Variants in MBNL2 observed in about 807,000 individuals in gnomAD.
The protein encoded by MBNL2 is muscleblind like splicing regulator 2.
MBNL2 carries 17 observed loss-of-function variants against 41.9 expected under a neutral mutation model. The observed-to-expected ratio is 0.41, with a 90% confidence interval of 0.28 to 0.61. MBNL2 has a LOEUF of 0.61. MBNL2 is among the 20% of genes least tolerant of loss of function. The probability of loss-of-function intolerance (pLI) is 0.35; values close to 1 mark genes in which losing one functional copy is unlikely to be tolerated. For synonymous variants in MBNL2, 195 were observed against 182.9 expected (o/e 1.07, Z -0.53); for missense variants, 336 against 505.6 (o/e 0.66, Z 3.22).
intron 1 of MBNL2, among the ~76,000 whole-genome samples, chr13:97,231,309 ACT>A (rs2042351391): frequency 6.6e-6 from 1 of 152,140 alleles, no homozygotes. Flanking sequence ...AAAAATGTAG[ACT>A]CTGATTCAGT....
intron 2 of MBNL2, among the ~76,000 whole-genome samples, chr13:97,312,731 T>G (rs2058720382): frequency 6.6e-6 from 1 of 152,232 alleles, no homozygotes. Flanking sequence ...TCATATGTTT[T>G]CAAAGAATTA....
At chr13:97,206,303 G>C in the MBNL2 span, among the ~76,000 whole-genome samples, 1 of 151,834 alleles carries the variant, frequency 6.6e-6, no homozygotes, top group Non-Finnish European at 1.5e-5. Flanking sequence ...ACTGCATCGT[G>C]ACTGAGGATG....
rs373994295 is a variant in MBNL2 at position 97,320,772 on chromosome 13, G to A, written c.175-13504G>A. ...CTATTAAAAATACAAAAAATTAGCC[G>A]GGCATGGTGGTGGGTGCCTGTAATC... On this transcript the variant is annotated intron_variant, in intron 2 of 8. Coordinates refer to ENST00000679496, the MANE Select transcript of MBNL2 (RefSeq NM_001382683.1). Among the ~76,000 whole-genome samples, 10 of 151,982 alleles carry A rather than the reference G, an allele frequency of 6.6e-5. No individual in the cohort carries two copies. The South Asian group carries it at 8.4e-4, about 13-fold the overall frequency.
the MBNL2 span, among the ~76,000 whole-genome samples, chr13:97,156,226 C>T: frequency 4.2e-5 from 5 of 118,134 alleles, no homozygotes; most frequent in East Asian, 1.1e-3. Flanking sequence ...TGTCCTTCGC[C>T]CACTTTTTGA....
intron 1 of MBNL2, among the ~76,000 whole-genome samples, chr13:97,251,341 A>G (rs1384568408): frequency 1.3e-5 from 2 of 152,016 alleles, no homozygotes; most frequent in African/African-American, 2.4e-5. Flanking sequence ...TACACATTGC[A>G]TGCCTGTATC....
chr13:97,233,125 T>A (rs1314395707), intron 1 of MBNL2, among the ~76,000 whole-genome samples: 1 of 69,360 alleles, frequency 1.4e-5, no homozygotes, highest in Non-Finnish European at 3.0e-5. Flanking sequence ...AGGCTCTTTT[T>A]CATATATATA....
chr13:97,262,740 A>G (rs899751822), intron 1 of MBNL2, among the ~76,000 whole-genome samples: 2 of 149,880 alleles, frequency 1.3e-5, no homozygotes, highest in African/African-American at 4.9e-5. Context: ...CAGGACCCAC[A>G]TTTTGAAGTC....
At chr13:97,172,270 T>C in the MBNL2 span, among the ~76,000 whole-genome samples, 1 of 152,184 alleles carries the variant, frequency 6.6e-6, no homozygotes, top group Non-Finnish European at 1.5e-5. Flanking sequence ...TCCGGGGCTG[T>C]CTTCCACCTA....
At chr13:97,320,893 C>A (rs765419463) in intron 2 of MBNL2, among the ~76,000 whole-genome samples, 1 of 152,012 alleles carries the variant, frequency 6.6e-6, no homozygotes, top group Non-Finnish European at 1.5e-5. Flanking sequence ...CCAGCCTGGG[C>A]GACAGGATAA....
chr13:97,183,890 G>A, the MBNL2 span, among the ~76,000 whole-genome samples: 11 of 152,280 alleles, frequency 7.2e-5, no homozygotes, highest in East Asian at 3.9e-4. Flanking sequence ...TATTTGGCCT[G>A]TACAGGAATG....
the MBNL2 span, among the ~76,000 whole-genome samples, chr13:97,213,230 G>A: frequency 1.3e-5 from 2 of 152,148 alleles, no homozygotes; most frequent in Non-Finnish European, 2.9e-5. Flanking sequence ...AGAAGCTATG[G>A]TTGTTGACAG....
chr13:97,363,734 T>G (rs988632877), intron 7 of MBNL2, among the ~76,000 whole-genome samples: 1 of 151,984 alleles, frequency 6.6e-6, no homozygotes, highest in African/African-American at 2.4e-5. Flanking sequence ...GATGAGAGAA[T>G]AGGGCTGGAG....
At chr13:97,178,443 T>C in the MBNL2 span, among the ~76,000 whole-genome samples, 3 of 152,208 alleles carry the variant, frequency 2.0e-5, no homozygotes, top group African/African-American at 7.2e-5. Flanking sequence ...AATTACATAG[T>C]AAAGACTGAA....
chr13:97,291,977 C>T (rs1021264664), intron 2 of MBNL2, among the ~76,000 whole-genome samples: 3 of 147,872 alleles, frequency 2.0e-5, no homozygotes, highest in Non-Finnish European at 4.4e-5. Flanking sequence ...CCGAGGTGGG[C>T]GGATAAGGAG....
upstream of MBNL2, among the ~76,000 whole-genome samples, chr13:97,218,440 C>CAAAACA (rs55815508): frequency 1.6e-4 from 19 of 117,962 alleles, 1 homozygote; most frequent in African/African-American, 3.1e-4. Context: ...CAAAACAAAA[C>CAAAACA]AAAAAAAAAA....
chr13:97,382,775 G>A (rs1312798503), intron 8 of MBNL2, among the ~76,000 whole-genome samples: 2 of 150,692 alleles, frequency 1.3e-5, no homozygotes, highest in African/African-American at 4.9e-5. Context: ...TCCGCCTCCC[G>A]GGTTCAAGTG....
chr13:97,165,647 G>T, the MBNL2 span, among the ~76,000 whole-genome samples: 1 of 152,128 alleles, frequency 6.6e-6, no homozygotes, highest in Non-Finnish European at 1.5e-5. Context: ...TAGTGAATCC[G>T]CACTAACAGA....
the MBNL2 span, among the ~76,000 whole-genome samples, chr13:97,191,884 CAAAG>C: frequency 6.6e-6 from 1 of 152,160 alleles, no homozygotes; most frequent in African/African-American, 2.4e-5. Flanking sequence ...CATGGCCTCT[CAAAG>C]AAAGAGAAGA....
intron 1 of MBNL2, among the ~76,000 whole-genome samples, chr13:97,263,953 T>A (rs2049182300): frequency 6.6e-6 from 1 of 151,164 alleles, no homozygotes; most frequent in African/African-American, 2.4e-5. Flanking sequence ...ACAGTTGTAG[T>A]ATAATCGAAT....
Sources: allele counts gnomAD v4.1 joint callset (sites outside exome capture counted in the v4.1 genomes callset), GRCh38; gene constraint gnomAD v4.1.1; transcripts MANE v1.5; gene names NCBI Gene and HGNC (gene_info 2026-07-23, HGNC 2026-07-21).